Variants in CDH18 observed in about 807,000 individuals in gnomAD.
The protein encoded by CDH18 is cadherin-18.
CDH18 carries 31 observed loss-of-function variants against 67.9 expected under a neutral mutation model. The observed-to-expected ratio is 0.46, with a 90% CI of 0.34 to 0.62. The LOEUF (loss-of-function observed/expected upper bound fraction) is 0.62, where lower values mean the gene tolerates loss of function less well. Ranked by LOEUF, CDH18 falls within the 20% of genes least tolerant of loss-of-function variation. CDH18 has a pLI of 0.01. For missense variants in CDH18, 890 were observed against 975.5 expected, an observed-to-expected ratio of 0.91 and a Z score of 1.17; for synonymous variants, 362 against 347.2, an observed-to-expected ratio of 1.04 and a Z score of -0.48.
chr5:19,493,563 T>C (rs1741824671), intron 11 of CDH18, among the ~76,000 whole-genome samples: 1 of 151,894 alleles, frequency 6.6e-6, no homozygotes, highest in South Asian at 2.1e-4. Context: ...TGTGTGTGTG[T>C]GTGTGTAAAG....
intron 2 of CDH18, among the ~76,000 whole-genome samples, chr5:20,058,941 C>CT (rs1742228484): frequency 6.6e-6 from 1 of 151,994 alleles, no homozygotes; most frequent in Non-Finnish European, 1.5e-5. Flanking sequence ...TGGTCCTGGG[C>CT]TTTTTTTGGT....
At chr5:19,723,511 G>C (rs1186481368) in intron 4 of CDH18, among the ~76,000 whole-genome samples, 3 of 152,066 alleles carry the variant, frequency 2.0e-5, no homozygotes, top group Non-Finnish European at 2.9e-5. Flanking sequence ...CAGAGGATGA[G>C]AGCTGTGTTA....
upstream of CDH18, among the ~76,000 whole-genome samples, chr5:19,989,462 C>A (rs182625631): frequency 4.5e-3 from 685 of 152,222 alleles, 6 homozygotes; most frequent in African/African-American, 0.016. Flanking sequence ...CCTGTGTAAG[C>A]TTTTACCCTT....
At chr5:20,115,720 G>A (rs918937646) in intron 2 of CDH18, among the ~76,000 whole-genome samples, 6 of 152,060 alleles carry the variant, frequency 3.9e-5, no homozygotes, top group Non-Finnish European at 8.8e-5. Context: ...TTATACCATG[G>A]ACACAAATGT....
intron 3 of CDH18, among the ~76,000 whole-genome samples, chr5:19,761,564 A>C (rs1772349965): frequency 6.6e-6 from 1 of 151,994 alleles, no homozygotes; most frequent in Non-Finnish European, 1.5e-5. Flanking sequence ...CAGAAACCCA[A>C]AAAAAAACTG....
chr5:20,513,714 A>T (rs1227749792), intron 1 of CDH18, among the ~76,000 whole-genome samples: 1 of 152,178 alleles, frequency 6.6e-6, no homozygotes, highest in Non-Finnish European at 1.5e-5. Context: ...ATGTCAAAAT[A>T]AACATTCATT....
intron 11 of CDH18, among the ~76,000 whole-genome samples, chr5:19,492,713 A>G (rs906809266): frequency 6.6e-6 from 1 of 152,162 alleles, no homozygotes; most frequent in Non-Finnish European, 1.5e-5. Flanking sequence ...GTCAATATTA[A>G]GCAAAATTAT....
chr5:20,513,356 A>T (rs1755162236), intron 1 of CDH18, among the ~76,000 whole-genome samples: 1 of 152,178 alleles, frequency 6.6e-6, no homozygotes, highest in Non-Finnish European at 1.5e-5. Context: ...CTTAATTGTC[A>T]TTACAAGGAA....
intron 5 of CDH18, among the ~76,000 whole-genome samples, chr5:19,716,533 T>C (rs1301688467): frequency 6.6e-6 from 1 of 152,040 alleles, no homozygotes; most frequent in Admixed American, 6.6e-5. Flanking sequence ...TTGAAACTGA[T>C]AGTCATTATT....
intron 2 of CDH18, among the ~76,000 whole-genome samples, chr5:19,882,716 C>T (rs1273207569): frequency 6.6e-6 from 1 of 152,018 alleles, no homozygotes; most frequent in Non-Finnish European, 1.5e-5. Context: ...AAAGAAGTCT[C>T]AGAAAATTTT....
At chr5:20,002,111 A>G (rs2150401936) in intron 2 of CDH18, among the ~76,000 whole-genome samples, 1 of 152,266 alleles carries the variant, frequency 6.6e-6, no homozygotes, top group South Asian at 2.1e-4. Context: ...CTCAAGCCAG[A>G]ATTTTCCTTT....
At chr5:20,218,318 T>G (rs1381491362) in intron 2 of CDH18, among the ~76,000 whole-genome samples, 2 of 152,028 alleles carry the variant, frequency 1.3e-5, no homozygotes, top group African/African-American at 2.4e-5. Flanking sequence ...TTCAACTATC[T>G]TCTTTCTCCA....
chr5:20,317,535 C>T (rs773884776), intron 1 of CDH18, among the ~76,000 whole-genome samples: 3 of 152,064 alleles, frequency 2.0e-5, no homozygotes, highest in Non-Finnish European at 4.4e-5. Context: ...GGGGCAAAAT[C>T]ATCTTTCATT....
chr5:20,331,947 C>A (rs533619304), intron 1 of CDH18, among the ~76,000 whole-genome samples: 1 of 152,126 alleles, frequency 6.6e-6, no homozygotes. Context: ...TAAGTGTTTT[C>A]AGGTATGCTT....
intron 3 of CDH18, among the ~76,000 whole-genome samples, chr5:19,764,400 T>C (rs544765097): frequency 6.6e-6 from 1 of 152,096 alleles, no homozygotes; most frequent in African/African-American, 2.4e-5. Context: ...AAATACGATA[T>C]AATGTACAAC....
chr5:20,499,303 C>G (rs1335423634), intron 1 of CDH18, among the ~76,000 whole-genome samples: 1 of 152,040 alleles, frequency 6.6e-6, no homozygotes, highest in African/African-American at 2.4e-5. Context: ...AGAATACAAA[C>G]TACAATGTAA....
At chr5:20,534,524 A>T (rs1475529703) in intron 1 of CDH18, among the ~76,000 whole-genome samples, 1 of 152,064 alleles carries the variant, frequency 6.6e-6, no homozygotes, top group African/African-American at 2.4e-5. Context: ...GTTTATGAGT[A>T]AAAAAAGGTC....
At chr5:20,563,990 T>C (rs1374832708) in intron 1 of CDH18, among the ~76,000 whole-genome samples, 1 of 152,134 alleles carries the variant, frequency 6.6e-6, no homozygotes, top group Admixed American at 6.6e-5. Context: ...TGACTATTAA[T>C]AAGTACCCTA....
intron 2 of CDH18, among the ~76,000 whole-genome samples, chr5:20,080,953 C>T (rs908673853): frequency 6.6e-6 from 1 of 151,994 alleles, no homozygotes. Context: ...ATTAGTTACA[C>T]AGTATTTGAA....
Sources: allele counts gnomAD v4.1 joint callset (sites outside exome capture counted in the v4.1 genomes callset), GRCh38; gene constraint gnomAD v4.1.1; transcripts MANE v1.5; gene names NCBI Gene and HGNC (gene_info 2026-07-23, HGNC 2026-07-21).